Variants in BTBD2 observed in about 807,000 individuals in gnomAD.
BTBD2 encodes BTB/POZ domain-containing protein 2.
In BTBD2, 15 loss-of-function variants were observed where a neutral mutation model predicts 44.0. The observed-to-expected ratio is 0.34, with a 90% CI of 0.23 to 0.53. The LOEUF (loss-of-function observed/expected upper bound fraction) is 0.53, where lower values mean the gene tolerates loss of function less well. BTBD2 is among the 20% of genes least tolerant of loss of function. BTBD2 has a pLI of 0.95. For missense variants in BTBD2, 657 were observed against 746.4 expected (o/e 0.88, Z 1.39); for synonymous variants, 443 against 335.9 (o/e 1.32, Z -3.49).
At chr19:1,989,789 G>C (rs2016146536) in intron 5 of BTBD2, 1 of 594,962 alleles carries the variant, frequency 1.7e-6, no homozygotes, top group Admixed American at 3.0e-5. Flanking sequence ...CGAGAGGCGG[G>C]GTCTGGCAGT....
intron 1 of BTBD2, among the ~76,000 whole-genome samples, chr19:2,008,299 C>A (rs1328216182): frequency 8.0e-6 from 1 of 124,498 alleles, no homozygotes; most frequent in African/African-American, 3.7e-5. Flanking sequence ...CCACTGCGCC[C>A]ACTCTTTTTT....
intron 1 of BTBD2, chr19:2,013,926 G>C (rs2016499166): frequency 6.6e-6 from 1 of 150,944 alleles, no homozygotes; most frequent in African/African-American, 2.5e-5. Context: ...CATGGGTGGG[G>C]GTGGAGGAAA....
At position 1,986,384 on chromosome 19, in the gene BTBD2, G is replaced by T. The variant is rs2016081284; in HGVS notation, c.*104C>A. The T allele has an allele frequency of 4.3e-6, 6 of 1,405,642 alleles. No homozygotes were observed. The Admixed American group carries it at 1.1e-4, about 25-fold the overall frequency. 87.1% of individuals were successfully genotyped at this position (1,405,642 alleles called of 1,614,324 possible). ...CATGGAGTGGACAGACGGCCTGGGG[G>T]ACACTGGGCCTGGCACCGCGTGGTG... On this transcript the variant is annotated 3_prime_UTR_variant, in exon 9 of 9. Coordinates refer to ENST00000255608, the MANE Select transcript of BTBD2 (RefSeq NM_017797.4).
intron 1 of BTBD2, among the ~76,000 whole-genome samples, chr19:2,004,401 A>G (rs2016368326): frequency 6.6e-6 from 1 of 151,330 alleles, no homozygotes; most frequent in African/African-American, 2.4e-5. Flanking sequence ...GGGTGCAAGC[A>G]ATTCTCCTGC....
At chr19:1,989,344 T>G (rs1027764978) in intron 5 of BTBD2, 1 of 154,258 alleles carries the variant, frequency 6.5e-6, no homozygotes, top group Non-Finnish European at 1.4e-5. Flanking sequence ...TGAGCTGTGA[T>G]TGTACCACCG....
At chr19:1,993,751 T>A (rs1599351188) in intron 2 of BTBD2, among the ~76,000 whole-genome samples, 1 of 152,000 alleles carries the variant, frequency 6.6e-6, no homozygotes, top group Non-Finnish European at 1.5e-5. Flanking sequence ...ACCCCAGCAC[T>A]TTGGGAGGCT....
chr19:2,012,733 C>T lies in BTBD2; in HGVS notation c.407+2564G>A, dbSNP rs181284276. Among the ~76,000 whole-genome samples, 93 of 152,320 alleles carry T rather than the reference C, an allele frequency of 6.1e-4. 1 individual carries two copies. Among genetic ancestry groups the T allele is most frequent in the African/African-American group, 1.8e-3 (73 of 41,568 alleles). ...CTCTCCTGAGCCCCCCGGGGGCAGA[C>T]CCCTCACCTACTTTTCTCCAAGGGG... On this transcript the variant is annotated intron_variant, in intron 1 of 8. Transcript: ENST00000255608.
chr19:2,000,088 C>T (rs1260209864), intron 1 of BTBD2, among the ~76,000 whole-genome samples: 3 of 152,190 alleles, frequency 2.0e-5, no homozygotes, highest in Non-Finnish European at 4.4e-5. Context: ...CTGGGTGGGG[C>T]AGGAGGATCC....
At chr19:2,015,198 G>GGGGGTCTCGGGGACAGAGGGGTGC in intron 1 of BTBD2, 99 bp downstream of exon 1, 1 of 1,372,344 alleles carries the variant, frequency 7.3e-7, no homozygotes, top group Middle Eastern at 2.7e-4. Flanking sequence ...GGAGGGGTGC[G>GGGGGTCTCGGGGACAGAGGGGTGC]GGGGTCTCGG....
chr19:1,990,365 ACACAAGACCACGC>A lies in BTBD2; in HGVS notation c.791-177_791-165del, dbSNP rs145966186. On this transcript the variant is annotated intron_variant, in intron 4 of 8. Coordinates refer to ENST00000255608, the MANE Select transcript of BTBD2 (RefSeq NM_017797.4). ...TGTGTTTATAAATAAAGCTTTATCA[ACACAAGACCACGC>A]CCCTTCATTTTCCTCGGCTGTGGTT... 1,250 of 717,136 alleles carry A rather than the reference ACACAAGACCACGC, an allele frequency of 1.7e-3. 11 individuals carry two copies. The highest frequency in any genetic ancestry group is 0.017 in the African/African-American group (979 of 56,576). The allele number at this position is 717,136 out of a possible 1,614,324, so 44.4% of individuals were successfully genotyped here.
intron 1 of BTBD2, among the ~76,000 whole-genome samples, chr19:1,999,279 G>A (rs765451201): frequency 1.8e-4 from 28 of 152,320 alleles, no homozygotes; most frequent in Non-Finnish European, 2.5e-4. Flanking sequence ...CTCGGAATGC[G>A]AGGCCCGGCG....
chr19:1,987,904 C>T (rs2016115475), intron 5 of BTBD2: 2 of 572,748 alleles, frequency 3.5e-6, no homozygotes, highest in Non-Finnish European at 6.2e-6. Context: ...CAGAGGCCGA[C>T]AGATACGCTC....
Position 1,990,041 on chromosome 19 carries a change from A to C in BTBD2, c.951T>G (p.Ile317Met), listed in dbSNP as rs777646763. Residue 317 changes from isoleucine (I) to methionine (M), a missense_variant, in exon 5 of 9, where the codon ATT becomes ATG. Coordinates refer to ENST00000255608, the MANE Select transcript of BTBD2 (RefSeq NM_017797.4). Reference protein sequence around the residue: ...RKVLGKALGLIRFPLMTIEEF... With the variant: ...RKVLGKALGLMRFPLMTIEEF... ...CCTCGATGGTCATGAGCGGGAAGCG[A>C]ATGAGGCCCAGGGCCTTGCCCAGAA... is the stretch of plus-strand genomic sequence containing the variant. 41 of 1,613,202 alleles carry C rather than the reference A, an allele frequency of 2.5e-5. No individual in the cohort carries two copies. The highest frequency in any genetic ancestry group is 4.4e-5 in the South Asian group (4 of 91,088).
At position 1,987,125 on chromosome 19, in the gene BTBD2, G is replaced by A. The variant is rs548147289; in HGVS notation, c.1269+41C>T. 5.6e-6 allele frequency: 9 copies of A among 1,602,726 alleles called. No individual in the cohort carries two copies. The East Asian group carries it at 1.6e-4, about 28-fold the overall frequency. ...TTCCATGGAGGTGGAGAGAGGACAT[G>A]GGCCTGAGTGGGGCCTGGGGATGAG... is the stretch of plus-strand genomic sequence containing the variant. On this transcript the variant is annotated intron_variant, in intron 7 of 8. Coordinates refer to ENST00000255608, the MANE Select transcript of BTBD2 (RefSeq NM_017797.4).
At chr19:1,997,532 G>A (rs926379961) in intron 1 of BTBD2, 69 bp from the exon 2 acceptor site, 119 of 1,592,928 alleles carry the variant, frequency 7.5e-5, no homozygotes, top group African/African-American at 9.4e-5. Flanking sequence ...GGGCCAGCCC[G>A]GTATCCTGGG....
intron 1 of BTBD2, among the ~76,000 whole-genome samples, chr19:2,013,269 C>T (rs981968193): frequency 2.0e-5 from 3 of 152,194 alleles, no homozygotes; most frequent in Non-Finnish European, 2.9e-5. Flanking sequence ...CCCCTGCCCC[C>T]GACCAATGAG....
intron 1 of BTBD2, chr19:2,014,431 G>T (rs982935762): frequency 3.3e-5 from 5 of 153,576 alleles, no homozygotes; most frequent in Non-Finnish European, 5.8e-5. Flanking sequence ...TGCAGGGCCA[G>T]GGCATGGAGG....
intron 4 of BTBD2, 194 bp from the exon 5 acceptor site, chr19:1,990,395 G>C (rs1221402686): frequency 3.0e-6 from 2 of 663,468 alleles, no homozygotes; most frequent in African/African-American, 1.8e-5. Flanking sequence ...ATTTTCCTCG[G>C]CTGTGGTTGT....
intron 1 of BTBD2, among the ~76,000 whole-genome samples, chr19:1,999,323 C>T (rs565386476): frequency 2.4e-4 from 37 of 152,284 alleles, no homozygotes; most frequent in South Asian, 6.2e-4. Context: ...TGAGTCAGGA[C>T]GAAGGCGCCG....
Sources: allele counts gnomAD v4.1 joint callset (sites outside exome capture counted in the v4.1 genomes callset), GRCh38; gene constraint gnomAD v4.1.1; transcripts MANE v1.5; gene names NCBI Gene and HGNC (gene_info 2026-07-23, HGNC 2026-07-21).